CNTNAP2: variants seen among roughly 807,000 people sequenced by gnomAD.
The protein encoded by CNTNAP2 is contactin associated protein 2.
Under a neutral mutation model 155.2 loss-of-function variants are expected in CNTNAP2, and 98 were observed. That is an observed-to-expected ratio of 0.63 (90% CI 0.54 to 0.75). The LOEUF (loss-of-function observed/expected upper bound fraction) is 0.75, where lower values mean the gene tolerates loss of function less well. CNTNAP2 is among the 30% of genes least tolerant of loss of function. CNTNAP2 has a pLI of 0.00. For missense variants in CNTNAP2, 1,727 were observed against 1,688.1 expected (o/e 1.02, Z -0.40); for synonymous variants, 651 against 631.2 (o/e 1.03, Z -0.47).
At chr7:147,290,022 T>C (rs775069958) in intron 8 of CNTNAP2, among the ~76,000 whole-genome samples, 50 of 152,202 alleles carry the variant, frequency 3.3e-4, no homozygotes, top group Non-Finnish European at 2.2e-4. Flanking sequence ...TTAGTCAATA[T>C]ATAGTTATGT....
intron 2 of CNTNAP2, among the ~76,000 whole-genome samples, chr7:146,775,555 G>A (rs956054759): frequency 1.1e-4 from 17 of 151,250 alleles, no homozygotes; most frequent in Middle Eastern, 3.4e-3. Context: ...AGTAAGAAAG[G>A]GAAGAAGGGA....
chr7:146,211,083 TA>T (rs1799027433), intron 1 of CNTNAP2, among the ~76,000 whole-genome samples: 1 of 152,148 alleles, frequency 6.6e-6, no homozygotes, highest in Admixed American at 6.6e-5. Context: ...CTTGCAAACA[TA>T]AACACATTTA....
chr7:147,503,001 A>G (rs555169958), intron 11 of CNTNAP2, among the ~76,000 whole-genome samples: 17 of 152,234 alleles, frequency 1.1e-4, no homozygotes, highest in African/African-American at 4.1e-4. Flanking sequence ...AAGGCATAGG[A>G]TGCTAAGGGT....
intron 13 of CNTNAP2, among the ~76,000 whole-genome samples, chr7:147,784,867 C>T (rs1797715539): frequency 6.6e-6 from 1 of 151,690 alleles, no homozygotes; most frequent in Non-Finnish European, 1.5e-5. Flanking sequence ...CCTTCAGTAG[C>T]TATGTGTTGG....
At chr7:147,651,712 TC>T (rs757438564) in intron 13 of CNTNAP2, among the ~76,000 whole-genome samples, 7 of 152,194 alleles carry the variant, frequency 4.6e-5, no homozygotes, top group Non-Finnish European at 1.0e-4. Context: ...ATCAAGTAGA[TC>T]AACTCAGGGA....
At chr7:148,263,408 C>T (rs757670889) in intron 20 of CNTNAP2, among the ~76,000 whole-genome samples, 1 of 151,734 alleles carries the variant, frequency 6.6e-6, no homozygotes, top group African/African-American at 2.4e-5. Flanking sequence ...CAATCAAAAA[C>T]CTCTGAGTAG....
At chr7:146,838,169 A>T (rs1209603483) in intron 2 of CNTNAP2, among the ~76,000 whole-genome samples, 1 of 152,146 alleles carries the variant, frequency 6.6e-6, no homozygotes, top group Non-Finnish European at 1.5e-5. Context: ...TCTGTTTGGG[A>T]TCATCTTCCA....
intron 2 of CNTNAP2, among the ~76,000 whole-genome samples, chr7:146,831,669 C>CAA (rs531970313): frequency 0.056 from 934 of 16,722 alleles, 110 homozygotes; most frequent in African/African-American, 0.11. Context: ...AGCAAGACGC[C>CAA]AAAAAAAAAA....
At chr7:148,035,262 G>A (rs1802552121) in intron 15 of CNTNAP2, among the ~76,000 whole-genome samples, 2 of 152,310 alleles carry the variant, frequency 1.3e-5, no homozygotes, top group South Asian at 4.1e-4. Context: ...AAAGAAGCCA[G>A]GTGCTATTTA....
At chr7:146,845,447 G>A (rs10253391) in intron 3 of CNTNAP2, among the ~76,000 whole-genome samples, 5,653 of 152,088 alleles carry the variant, frequency 0.037, 353 homozygotes, top group African/African-American at 0.13. Flanking sequence ...ATTCCTATTG[G>A]GATATTTAAG....
rs765950760 is a variant in CNTNAP2, at chr7:148,267,078, G to A, written c.3427G>A (p.Asp1143Asn). 55 of 1,614,028 alleles carry A rather than the reference G, an allele frequency of 3.4e-5. No individual in the cohort carries two copies. Among genetic ancestry groups the A allele is most frequent in the African/African-American group, 1.5e-4 (11 of 74,910 alleles). ...SVSYHLPSSS[D>N]TLFNSPKSLF... The stretch of plus-strand genomic sequence containing the variant: ...GAGTTACCATCTGCCAAGTTCATCC[G>A]ACACCCTCTTCAATTCTCCCAAGTC... Residue 1143 changes from aspartate (D) to asparagine (N), a missense_variant, in exon 21 of 24, where the codon GAC becomes AAC. Physicochemically the swap from Asp to Asn is conservative, Grantham distance 23. Transcript: ENST00000361727.
At position 147,535,337 on chromosome 7, in the gene CNTNAP2, A is replaced by G. The variant is rs572264391; in HGVS notation, c.1778-26801A>G. Among the ~76,000 whole-genome samples the G allele has an allele frequency of 3.4e-3, 513 of 152,262 alleles. 2 individuals carry two copies. Among genetic ancestry groups the G allele is most frequent in the African/African-American group, 0.012 (487 of 41,550 alleles). Reference sequence around the variant, plus strand: ...AACCCAGGAGGCGGAGCTTGCAGTGAGTCAAGATCGCGCCACTGCACTGCA... The same window carrying G: ...AACCCAGGAGGCGGAGCTTGCAGTGGGTCAAGATCGCGCCACTGCACTGCA... On this transcript the variant is annotated intron_variant, in intron 11 of 23. Transcript: ENST00000361727.
chr7:148,228,827 CA>C (rs10657103), intron 19 of CNTNAP2, among the ~76,000 whole-genome samples: 70 of 118,688 alleles, frequency 5.9e-4, no homozygotes, highest in East Asian at 2.5e-3. Context: ...GACTCTGTTT[CA>C]AAAAAAAAAA....
intron 2 of CNTNAP2, among the ~76,000 whole-genome samples, chr7:146,808,153 A>G (rs1318002404): frequency 2.0e-5 from 3 of 152,216 alleles, no homozygotes; most frequent in Non-Finnish European, 2.9e-5. Context: ...ATTCTCTAAT[A>G]TAATTTATTC....
chr7:147,650,909 A>C (rs902190303), intron 13 of CNTNAP2, among the ~76,000 whole-genome samples: 3 of 152,176 alleles, frequency 2.0e-5, no homozygotes, highest in Admixed American at 1.3e-4. Context: ...TATGTCCATC[A>C]TGGATAAAAG....
At chr7:148,209,130 A>G (rs1370806471) in intron 18 of CNTNAP2, among the ~76,000 whole-genome samples, 1 of 151,996 alleles carries the variant, frequency 6.6e-6, no homozygotes, top group African/African-American at 2.4e-5. Flanking sequence ...TCAAAGCTGA[A>G]CTTTGTTGTT....
intron 3 of CNTNAP2, among the ~76,000 whole-genome samples, chr7:147,026,912 TA>T (rs35008433): frequency 0.18 from 21,620 of 122,208 alleles, 1,749 homozygotes; most frequent in Middle Eastern, 0.3. Context: ...GTCTCAGTGC[TA>T]AAAAAAAAAA....
At chr7:146,945,440 T>TCAAATCTTG (rs1413370585) in intron 3 of CNTNAP2, among the ~76,000 whole-genome samples, 2 of 152,068 alleles carry the variant, frequency 1.3e-5, no homozygotes, top group Admixed American at 1.3e-4. Context: ...TTATGGTTAG[T>TCAAATCTTG]CAAATCTTGA....
chr7:146,974,344 A>T (rs1797863903), intron 3 of CNTNAP2, among the ~76,000 whole-genome samples: 1 of 152,212 alleles, frequency 6.6e-6, no homozygotes, highest in South Asian at 2.1e-4. Flanking sequence ...AGGCTGAGGC[A>T]GGAGAATCAC....
Sources: gnomAD v4.1 joint callset for allele counts (sites outside exome capture counted in the v4.1 genomes callset) on GRCh38, gnomAD v4.1.1 for gene constraint, MANE v1.5 for transcripts, NCBI Gene and HGNC (gene_info 2026-07-23, HGNC 2026-07-21) for gene names.